ACMSD: variants seen among roughly 807,000 people sequenced by gnomAD.
ACMSD encodes the protein aminocarboxymuconate semialdehyde decarboxylase.
A neutral mutation model predicts 45.9 loss-of-function variants in ACMSD; 37 were observed. The ratio of observed to expected loss-of-function variants is 0.81; its 90% CI spans 0.62 to 1.06. The LOEUF (loss-of-function observed/expected upper bound fraction) is 1.06, where lower values mean the gene tolerates loss of function less well. ACMSD is among the 50% of genes least tolerant of loss of function. The pLI, the probability that ACMSD is intolerant of heterozygous loss-of-function variation, is 0.00. For synonymous variants in ACMSD, 138 were observed against 148.8 expected, an observed-to-expected ratio of 0.93 and a Z score of 0.53; for missense variants, 434 against 420.9, an observed-to-expected ratio of 1.03 and a Z score of -0.27.
chr2:134,890,696 A>G (rs1179345355), intron 8 of ACMSD, among the ~76,000 whole-genome samples: 1 of 152,068 alleles, frequency 6.6e-6, no homozygotes, highest in Non-Finnish European at 1.5e-5. Context: ...ACTGACATAT[A>G]GCTCAAAGAA....
chr2:134,854,238 T>G (rs1687477344), intron 2 of ACMSD, among the ~76,000 whole-genome samples: 1 of 152,242 alleles, frequency 6.6e-6, no homozygotes, highest in African/African-American at 2.4e-5. Context: ...TCTGGCCTGG[T>G]GCTAAGTTCT....
chr2:134,885,003 C>T (rs956326903), intron 8 of ACMSD, among the ~76,000 whole-genome samples: 1 of 151,170 alleles, frequency 6.6e-6, no homozygotes, highest in African/African-American at 2.4e-5. Context: ...TGAGACCAGC[C>T]TGGCCAACAT....
intron 8 of ACMSD, among the ~76,000 whole-genome samples, chr2:134,887,294 C>T (rs1417306103): frequency 6.6e-6 from 1 of 152,120 alleles, no homozygotes; most frequent in Admixed American, 6.5e-5. Flanking sequence ...CATTAACTGA[C>T]CTCAAGGGTT....
chr2:134,899,626 T>C (rs1239544133), intron 9 of ACMSD, among the ~76,000 whole-genome samples: 2 of 152,164 alleles, frequency 1.3e-5, no homozygotes, highest in African/African-American at 4.8e-5. Flanking sequence ...TTTATTCTTA[T>C]GTGCTTATCA....
intron 8 of ACMSD, chr2:134,873,400 A>T (rs192684149): frequency 1.3e-5 from 2 of 152,370 alleles, no homozygotes; most frequent in East Asian, 3.9e-4. Flanking sequence ...TGAAAAGTCT[A>T]AAATATTTTG....
At chr2:134,878,058 G>A (rs1315651752) in intron 8 of ACMSD, among the ~76,000 whole-genome samples, 2 of 152,160 alleles carry the variant, frequency 1.3e-5, no homozygotes, top group Non-Finnish European at 2.9e-5. Context: ...TTGCTTAGAT[G>A]AACTGGTGTA....
intron 8 of ACMSD, among the ~76,000 whole-genome samples, chr2:134,892,180 G>T (rs553309743): frequency 2.6e-5 from 4 of 152,058 alleles, no homozygotes; most frequent in Non-Finnish European, 5.9e-5. Context: ...TCACCATTAT[G>T]CAATATCTCC....
chr2:134,888,493 T>C (rs1399509829), intron 8 of ACMSD, among the ~76,000 whole-genome samples: 1 of 152,078 alleles, frequency 6.6e-6, no homozygotes, highest in African/African-American at 2.4e-5. Flanking sequence ...AAAATACATA[T>C]CCACACACAA....
chr2:134,897,632 A>T (rs1690240903), intron 8 of ACMSD, among the ~76,000 whole-genome samples: 1 of 152,124 alleles, frequency 6.6e-6, no homozygotes, highest in African/African-American at 2.4e-5. Context: ...TTCTCACTTG[A>T]TTATGAGTTC....
At chr2:134,840,332 T>C (rs1686747111) in intron 1 of ACMSD, among the ~76,000 whole-genome samples, 1 of 151,804 alleles carries the variant, frequency 6.6e-6, no homozygotes, top group Non-Finnish European at 1.5e-5. Flanking sequence ...CTAGCTAGCA[T>C]GATCGACCCT....
chr2:134,885,496 C>A (rs1271835256), intron 8 of ACMSD, among the ~76,000 whole-genome samples: 2 of 141,380 alleles, frequency 1.4e-5, no homozygotes, highest in African/African-American at 5.3e-5. Flanking sequence ...GTTAGTCAGA[C>A]TTCATCTTTC....
At chr2:134,885,386 G>T (rs1230353818) in intron 8 of ACMSD, among the ~76,000 whole-genome samples, 47 of 96,278 alleles carry the variant, frequency 4.9e-4, no homozygotes, top group East Asian at 1.4e-3. Context: ...TAATATATAT[G>T]TAAATATATA....
intron 9 of ACMSD, among the ~76,000 whole-genome samples, chr2:134,899,727 T>C (rs1049137639): frequency 4.6e-5 from 7 of 152,142 alleles, no homozygotes; most frequent in African/African-American, 1.7e-4. Flanking sequence ...ATTGTAACGC[T>C]GTAATACTGA....
At chr2:134,867,852 T>C (rs937938417) in intron 6 of ACMSD, 180 bp downstream of exon 6, 3 of 385,274 alleles carry the variant, frequency 7.8e-6, no homozygotes, top group African/African-American at 2.1e-5. Context: ...TATAACCTCA[T>C]TTAATTTTAA....
intron 8 of ACMSD, among the ~76,000 whole-genome samples, chr2:134,880,788 C>A (rs1246455377): frequency 5.3e-5 from 8 of 152,066 alleles, no homozygotes; most frequent in African/African-American, 1.9e-4. Context: ...TGAGCATGTA[C>A]AATGTTTTAG....
chr2:134,844,753 G>A (rs865865944), intron 1 of ACMSD, among the ~76,000 whole-genome samples: 3 of 152,122 alleles, frequency 2.0e-5, no homozygotes, highest in African/African-American at 7.2e-5. Context: ...GGATATGAGC[G>A]GGACACCAAC....
At chr2:134,862,198 C>T (rs1687880342) in intron 4 of ACMSD, among the ~76,000 whole-genome samples, 180 bp downstream of exon 4, 1 of 152,152 alleles carries the variant, frequency 6.6e-6, no homozygotes, top group Non-Finnish European at 1.5e-5. Flanking sequence ...TGTCTTTGCT[C>T]CAGTACGGTA....
intron 7 of ACMSD, among the ~76,000 whole-genome samples, chr2:134,871,959 TC>T (rs1246878305): frequency 2.0e-5 from 2 of 99,794 alleles, no homozygotes; most frequent in East Asian, 1.6e-3. Flanking sequence ...TTGCCTTCAC[TC>T]TTTTTTTTTT....
intron 2 of ACMSD, among the ~76,000 whole-genome samples, chr2:134,845,633 T>G (rs2104815129): frequency 6.7e-6 from 1 of 149,712 alleles, no homozygotes; most frequent in African/African-American, 2.5e-5. Context: ...TCTCTACAGG[T>G]TATTACAGTA....
Sources: allele counts gnomAD v4.1 joint callset (sites outside exome capture counted in the v4.1 genomes callset), GRCh38; gene constraint gnomAD v4.1.1; transcripts MANE v1.5; gene names NCBI Gene and HGNC (gene_info 2026-07-23, HGNC 2026-07-21).